Variants in ATAD3A observed in about 807,000 individuals in gnomAD.
ATAD3A encodes the protein ATPase family AAA domain containing 3A.
A neutral mutation model predicts 73.8 loss-of-function variants in ATAD3A; 46 were observed. The observed-to-expected ratio is 0.62, with a 90% CI of 0.49 to 0.80. The LOEUF is 0.80. Among genes scored for constraint, ATAD3A ranks in the 30% least tolerant of loss-of-function variants. The pLI, the probability that ATAD3A is intolerant of heterozygous loss-of-function variation, is 0.00. For synonymous variants in ATAD3A, 319 were observed against 350.0 expected (o/e 0.91, Z 0.99); for missense variants, 705 against 838.0 (o/e 0.84, Z 1.96).
chr1:1,533,264 C>T (rs1447943790), intron 15 of ATAD3A, among the ~76,000 whole-genome samples: 1 of 152,186 alleles, frequency 6.6e-6, no homozygotes, highest in African/African-American at 2.4e-5. Context: ...ACACCCTGAC[C>T]CTGACCCTGA....
At chr1:1,516,278 G>A (rs1407856663) in intron 2 of ATAD3A, among the ~76,000 whole-genome samples, 190 bp downstream of exon 2, 1 of 144,920 alleles carries the variant, frequency 6.9e-6, no homozygotes, top group Non-Finnish European at 1.5e-5. Flanking sequence ...CCGCAGAGCC[G>A]CCCGAGAGGG....
intron 5 of ATAD3A, 71 bp downstream of exon 5, chr1:1,519,061 G>C: frequency 6.2e-7 from 1 of 1,611,554 alleles, no homozygotes; most frequent in African/African-American, 1.3e-5. Flanking sequence ...TGCACTCTGA[G>C]CCTGAGTTCT....
chr1:1,521,846 C>G (rs1461355009), intron 7 of ATAD3A, among the ~76,000 whole-genome samples: 1 of 150,602 alleles, frequency 6.6e-6, no homozygotes, highest in Non-Finnish European at 1.5e-5. Flanking sequence ...ATTACAGGCT[C>G]ACGTCACCAC....
intron 10 of ATAD3A, 86 bp downstream of exon 10, chr1:1,524,050 G>T: frequency 6.2e-7 from 1 of 1,606,312 alleles, no homozygotes; most frequent in African/African-American, 1.3e-5. Flanking sequence ...GCTGCCTGGG[G>T]AATGGACCCC....
rs1184592048 is a variant in ATAD3A at position 1,518,927 on chromosome 1, C to G, written c.451C>G (p.Leu151Val). Residue 151 changes from leucine (L) to valine (V), a missense_variant, in exon 5 of 16, where the codon CTC (leucine) becomes GTC (valine). Leu to Val is a conservative substitution (Grantham distance 32). Coordinates refer to ENST00000378756, the MANE Select transcript of ATAD3A (RefSeq NM_001170535.3). ...TTCTGCGGCTTCTTCTCAGCAACTT[C>G]TCAATGAGGAGAATTTACGGAAGCA... ...YEDQLKQQQLLNEENLRKQEE... is the reference protein window; with the variant it reads ...YEDQLKQQQLVNEENLRKQEE... The G allele has an allele frequency of 5.0e-6, 8 of 1,614,058 alleles. No individual in the cohort carries two copies. Among genetic ancestry groups the G allele is most frequent in the Non-Finnish European group, 5.9e-6 (7 of 1,180,002 alleles).
At chr1:1,527,207 T>A in intron 13 of ATAD3A, 1 of 1,302,686 alleles carries the variant, frequency 7.7e-7, no homozygotes, top group Non-Finnish European at 1.0e-6. Flanking sequence ...TGGTCGGCCG[T>A]GGCTGACTCC....
intron 15 of ATAD3A, among the ~76,000 whole-genome samples, chr1:1,532,352 A>C (rs2767467): frequency 6.6e-6 from 1 of 152,200 alleles, no homozygotes; most frequent in Non-Finnish European, 1.5e-5. Flanking sequence ...TTGAGGAGTG[A>C]TACTGATTCT....
At position 1,523,761 on chromosome 1, in the gene ATAD3A, A is replaced by G. The variant is rs201119490; in HGVS notation, c.964-78A>G. ...TTCCCGAGGAGCCGAGTCTGCACCC[A>G]GGCATTCCCGCAGCCCCTTCCCCTG... is the stretch of plus-strand genomic sequence containing the variant. On this transcript the variant is annotated intron_variant, in intron 9 of 15. Coordinates refer to ENST00000378756, the MANE Select transcript of ATAD3A (RefSeq NM_001170535.3). The surrounding 1 kb of genome is among the most constrained non-coding windows in gnomAD (Gnocchi z 5.1). The G allele has an allele frequency of 1.6e-4, 249 of 1,605,142 alleles. 1 individual carries two copies. Among genetic ancestry groups the G allele is most frequent in the Non-Finnish European group, 1.7e-4 (199 of 1,175,140 alleles).
chr1:1,533,293 T>C (rs1642097843), intron 15 of ATAD3A, among the ~76,000 whole-genome samples: 1 of 152,182 alleles, frequency 6.6e-6, no homozygotes, highest in African/African-American at 2.4e-5. Flanking sequence ...TGCCTCCCCT[T>C]GGGGACTCCA....
chr1:1,528,994 G>C (rs1641944979), intron 14 of ATAD3A, among the ~76,000 whole-genome samples: 1 of 152,256 alleles, frequency 6.6e-6, no homozygotes, highest in African/African-American at 2.4e-5. Context: ...TGTGGGCAGG[G>C]CTGGTGTGAG....
chr1:1,516,912 ATGT>A (rs2100647633), intron 2 of ATAD3A, among the ~76,000 whole-genome samples: 1 of 152,006 alleles, frequency 6.6e-6, no homozygotes, highest in Non-Finnish European at 1.5e-5. Flanking sequence ...GGGTTTCACC[ATGT>A]TGTTCAGGCT....
intron 15 of ATAD3A, 115 bp from the exon 16 acceptor site, chr1:1,533,811 G>A (rs533570603): frequency 1.6e-5 from 22 of 1,378,736 alleles, no homozygotes; most frequent in Non-Finnish European, 1.8e-5. Context: ...TGTGTTTCAC[G>A]CTCAGGCCAT....
chr1:1,521,143 C>CA (rs1469714839), intron 7 of ATAD3A, among the ~76,000 whole-genome samples: 1 of 151,104 alleles, frequency 6.6e-6, no homozygotes, highest in Non-Finnish European at 1.5e-5. Context: ...TAAAAAAATA[C>CA]AAAAAATTAG....
At chr1:1,533,883 G>T (rs6681228) in intron 15 of ATAD3A, 43 bp from the exon 16 acceptor site, 152,162 of 1,593,046 alleles carry the variant, frequency 0.096, 17,862 homozygotes, top group African/African-American at 0.46. Context: ...TGGGGTGGGG[G>T]GTTCCCATGG....
intron 2 of ATAD3A, among the ~76,000 whole-genome samples, chr1:1,516,418 G>A (rs188159289): frequency 9.1e-4 from 136 of 149,748 alleles, no homozygotes; most frequent in Non-Finnish European, 1.5e-3. Context: ...GTTTTATTTC[G>A]TTTTATTTAT....
chr1:1,532,701 G>A (rs1642071042), intron 15 of ATAD3A, among the ~76,000 whole-genome samples: 1 of 152,194 alleles, frequency 6.6e-6, no homozygotes, highest in South Asian at 2.1e-4. Context: ...AGCCACTCGG[G>A]TGGACCCTGA....
At position 1,525,291 on chromosome 1, in the gene ATAD3A, C is replaced by A. The variant is rs149995099; in HGVS notation, c.1266C>A (p.Thr422=). The A allele has an allele frequency of 6.2e-7, 1 of 1,613,274 alleles. No individual in the cohort carries two copies. Among genetic ancestry groups the A allele is most frequent in the East Asian group, 2.2e-5 (1 of 44,872 alleles). ...ACGCCTTCCTTCGGAAGCGAGCCAC[C>A]GTGAGTGTCACTAAGCCTCTGGCCA... The part of the protein sequence containing the change: ...EADAFLRKRA[T]EKISEDLRAT... The change falls in exon 12 of 16, where the codon ACC becomes ACA. Residue 422 remains threonine (T), a splice_region_variant and synonymous_variant. Transcript: ENST00000378756.
At chr1:1,514,076 C>T (rs1221673508) in intron 1 of ATAD3A, among the ~76,000 whole-genome samples, 2 of 152,130 alleles carry the variant, frequency 1.3e-5, no homozygotes, top group Non-Finnish European at 2.9e-5. Flanking sequence ...TGTGAATTCA[C>T]GCGCTGGGAC....
In ATAD3A at chr1:1,534,043, G is replaced by C. The variant is rs200240134; in HGVS notation, c.1732G>C (p.Gly578Arg). The part of the protein sequence containing the change: ...KMCWLKAEGP[G>R]RGDEPSPS ...GTGCTGGCTGAAGGCGGAAGGGCCTGGGCGTGGGGACGAGCCCTCCCCATC... is the reference window on the plus strand; with the variant it reads ...GTGCTGGCTGAAGGCGGAAGGGCCTCGGCGTGGGGACGAGCCCTCCCCATC... Residue 578 changes from glycine (G) to arginine (R), a missense_variant, in exon 16 of 16, where the codon GGG becomes CGG. Transcript: ENST00000378756. 6.2e-7 allele frequency: 1 copy of C among 1,613,646 alleles called. No individual in the cohort carries two copies. Among genetic ancestry groups the C allele is most frequent in the East Asian group, 2.2e-5 (1 of 44,864 alleles).
Sources: allele counts gnomAD v4.1 joint callset (sites outside exome capture counted in the v4.1 genomes callset), GRCh38; gene constraint gnomAD v4.1.1; non-coding constraint Gnocchi (gnomAD v3.1); transcripts MANE v1.5; gene names NCBI Gene and HGNC (gene_info 2026-07-23, HGNC 2026-07-21).